The following RAB3IP variants were observed in gnomAD, a reference collection of about 807,000 sequenced individuals.
The protein encoded by RAB3IP is rab-3A-interacting protein.
RAB3IP carries 36 observed loss-of-function variants against 59.1 expected under a neutral mutation model. The observed-to-expected ratio is 0.61, with a 90% confidence interval of 0.47 to 0.80. RAB3IP has a LOEUF of 0.80. RAB3IP is among the 30% of genes least tolerant of loss of function. The pLI is 0.00. For synonymous variants in RAB3IP, 207 were observed against 191.2 expected (o/e 1.08, Z -0.68); for missense variants, 511 against 536.0 (o/e 0.95, Z 0.46).
chr12:69,809,306 G>A (rs1157671309), intron 8 of RAB3IP, among the ~76,000 whole-genome samples: 7 of 152,124 alleles, frequency 4.6e-5, no homozygotes, highest in Admixed American at 3.9e-4. Flanking sequence ...TGGGTAACCC[G>A]ACCTTTCTCT....
chr12:69,818,734 C>A lies in RAB3IP; in HGVS notation c.*3288C>A, dbSNP rs565308773. 6.6e-6 allele frequency: 1 copy of A among 152,264 alleles called. No homozygotes were observed. The highest frequency in any genetic ancestry group is 1.9e-4 in the East Asian group (1 of 5,182). 9.4% of individuals were successfully genotyped at this position (152,264 alleles called of 1,614,324 possible). On this transcript the variant is annotated 3_prime_UTR_variant, in exon 11 of 11. Transcript: ENST00000247833. ...CTTTTCTTATAAAAGTCAAGAACAA[C>A]TAAAACTGAACAGCTGTTTAGGCAT...
In RAB3IP at chr12:69,812,947, T is replaced by G. The variant is rs762453034; in HGVS notation, c.1231-17T>G. ...GGGACATTTGACCATTCATGACATT[T>G]TCTCCATTTGGCCTAGATCACTTCT... On this transcript the variant is annotated splice_polypyrimidine_tract_variant and intron_variant, in intron 9 of 10. Coordinates refer to ENST00000247833, the MANE Select transcript of RAB3IP (RefSeq NM_022456.5). The G allele has an allele frequency of 5.6e-6, 9 of 1,611,868 alleles. No homozygotes were observed. The highest frequency in any genetic ancestry group is 6.8e-6 in the Non-Finnish European group (8 of 1,177,944).
intron 2 of RAB3IP, 145 bp downstream of exon 2, chr12:69,755,804 A>C (rs1870124223): frequency 1.5e-6 from 1 of 687,030 alleles, no homozygotes; most frequent in Non-Finnish European, 2.4e-6. Flanking sequence ...ATAATGTTCT[A>C]GAACAGGGTT....
rs1275768408 is a variant in RAB3IP at position 69,794,595 on chromosome 12, G to C, written c.684+81G>C. 4 of 1,126,394 alleles carry C rather than the reference G, an allele frequency of 3.6e-6. No homozygotes were observed. The African/African-American group carries it at 6.3e-5, about 18-fold the overall frequency. The allele number at this position is 1,126,394 out of a possible 1,614,324, so 69.8% of individuals were successfully genotyped here. A position where few individuals can be genotyped will look rare whatever the true frequency, so the allele number is the denominator to read the frequency against. On this transcript the variant is annotated intron_variant, in intron 5 of 10. Transcript: ENST00000247833. ...GATACCTTAACATCTGTTGGATTTT[G>C]TTCTGATCGTAAAGTAGTGCTTGTT...
chr12:69,763,753 C>A (rs1176402937), intron 3 of RAB3IP, among the ~76,000 whole-genome samples: 1 of 151,976 alleles, frequency 6.6e-6, no homozygotes, highest in Non-Finnish European at 1.5e-5. Context: ...GTTTGTCAGC[C>A]CTTGTCCCCC....
At chr12:69,789,599 C>T (rs990509887) in intron 4 of RAB3IP, among the ~76,000 whole-genome samples, 3 of 152,192 alleles carry the variant, frequency 2.0e-5, no homozygotes, top group South Asian at 2.1e-4. Flanking sequence ...AGGCCAATAT[C>T]ACTCTGATAC....
chr12:69,759,690 G>T (rs1299125171), intron 3 of RAB3IP, among the ~76,000 whole-genome samples: 1 of 150,376 alleles, frequency 6.6e-6, no homozygotes, highest in Non-Finnish European at 1.5e-5. Flanking sequence ...GCGGCTGGCC[G>T]GGCAGGGGCT....
At chr12:69,781,782 A>G (rs1230569613) in intron 3 of RAB3IP, among the ~76,000 whole-genome samples, 1 of 152,230 alleles carries the variant, frequency 6.6e-6, no homozygotes, top group Middle Eastern at 3.2e-3. Context: ...AGTAAAGGCC[A>G]TCTGCTGCTT....
At chr12:69,753,605 T>G (rs1161262842) in intron 1 of RAB3IP, among the ~76,000 whole-genome samples, 1 of 152,160 alleles carries the variant, frequency 6.6e-6, no homozygotes, top group African/African-American at 2.4e-5. Context: ...CGCCTCGGCC[T>G]CCCAAAGTGC....
rs377383820 is a variant in RAB3IP at position 69,812,942 on chromosome 12, A to G, written c.1231-22A>G. 30 of 1,610,532 alleles carry G rather than the reference A, an allele frequency of 1.9e-5. No homozygotes were observed. The Admixed American group carries it at 4.5e-4, about 24-fold the overall frequency. On this transcript the variant is annotated intron_variant, in intron 9 of 10. Coordinates refer to ENST00000247833, the MANE Select transcript of RAB3IP (RefSeq NM_022456.5). ...GATATGGGACATTTGACCATTCATG[A>G]CATTTTCTCCATTTGGCCTAGATCA...
At chr12:69,739,838 C>T (rs184683213) in intron 1 of RAB3IP, 7 of 1,613,996 alleles carry the variant, frequency 4.3e-6, no homozygotes, top group Admixed American at 3.3e-5. Flanking sequence ...TGAAGAGTTG[C>T]CGGTTGTTAT....
chr12:69,778,255 TTCAGCTCCA>T (rs1254552334), intron 3 of RAB3IP, among the ~76,000 whole-genome samples: 8 of 8,060 alleles, frequency 9.9e-4, no homozygotes, highest in Non-Finnish European at 1.8e-3. Context: ...AGCCTTGGTT[TTCAGCTCCA>T]TCAGCTCCTT....
chr12:69,821,710 C>G lies in RAB3IP; in HGVS notation c.*6264C>G, dbSNP rs1881766498. ...TCAAGCTGCTCTTTTTTAAAATGTG[C>G]CGTTTCGACAACACTGAGCCCACAG... On this transcript the variant is annotated 3_prime_UTR_variant, in exon 11 of 11. Transcript: ENST00000247833. The G allele has an allele frequency of 2.0e-5, 3 of 152,170 alleles. No homozygotes were observed. Among genetic ancestry groups the G allele is most frequent in the Admixed American group, 2.0e-4 (3 of 15,276 alleles). The allele number at this position is 152,170 out of a possible 1,614,324, so 9.4% of individuals were successfully genotyped here.
In RAB3IP at chr12:69,816,090, G is replaced by GAT. The variant is rs1350527984; in HGVS notation, c.*648_*649dup. 5.3e-5 allele frequency: 8 copies of GAT among 152,232 alleles called. No individual in the cohort carries two copies. Among genetic ancestry groups the GAT allele is most frequent in the Admixed American group, 5.2e-4 (8 of 15,280 alleles). 9.4% of individuals were successfully genotyped at this position (152,232 alleles called of 1,614,324 possible). A position where few individuals can be genotyped will look rare whatever the true frequency, so the allele number is the denominator to read the frequency against. Reference sequence around the variant, plus strand: ...CCAGAGATGTATTCCTGAGTGTCTTGATATAGTGTATTCATGTTTTATATG... The same window carrying GAT: ...CCAGAGATGTATTCCTGAGTGTCTTGATATATAGTGTATTCATGTTTTATATG... On this transcript the variant is annotated 3_prime_UTR_variant, in exon 11 of 11. Transcript: ENST00000247833.
At chr12:69,811,758 C>T (rs1880493217) in intron 8 of RAB3IP, among the ~76,000 whole-genome samples, 1 of 151,898 alleles carries the variant, frequency 6.6e-6, no homozygotes, top group Admixed American at 6.6e-5. Flanking sequence ...ATTTGAATTG[C>T]CCCCTCCTCA....
chr12:69,787,631 C>T (rs1181022228), intron 4 of RAB3IP, among the ~76,000 whole-genome samples: 1 of 152,082 alleles, frequency 6.6e-6, no homozygotes, highest in African/African-American at 2.4e-5. Context: ...TTCTTCATTC[C>T]ACACTCAAGT....
intron 4 of RAB3IP, among the ~76,000 whole-genome samples, chr12:69,790,987 T>C (rs1313803449): frequency 2.6e-5 from 4 of 152,056 alleles, no homozygotes; most frequent in South Asian, 2.1e-4. Context: ...GGCACTGATA[T>C]AAAAACAGAC....
intron 3 of RAB3IP, among the ~76,000 whole-genome samples, chr12:69,768,153 C>T (rs989733757): frequency 2.0e-5 from 3 of 150,770 alleles, no homozygotes; most frequent in Non-Finnish European, 3.0e-5. Flanking sequence ...GATCTGCATC[C>T]AGTAAGGATG....
rs1870223539 is a variant in RAB3IP at position 69,756,412 on chromosome 12, G to A, written c.259G>A (p.Val87Ile). The change falls in exon 3 of 11, where the codon GTT becomes ATT. Residue 87 changes from valine (V) to isoleucine (I), a missense_variant. Coordinates refer to ENST00000247833, the MANE Select transcript of RAB3IP (RefSeq NM_022456.5). ...TGTCTCTCTCCTTTACAGCTTTCAT[G>A]TTACAGACCCAGCCCCTTGCTCTAC... Reference protein sequence around the residue: ...CAEISSISFHVTDPAPCSTSG... With the variant: ...CAEISSISFHITDPAPCSTSG... 1 of 1,613,416 alleles carries A rather than the reference G, an allele frequency of 6.2e-7. No individual in the cohort carries two copies. Among genetic ancestry groups the A allele is most frequent in the Non-Finnish European group, 8.5e-7 (1 of 1,179,776 alleles).
Sources: allele counts gnomAD v4.1 joint callset (sites outside exome capture counted in the v4.1 genomes callset), GRCh38; gene constraint gnomAD v4.1.1; transcripts MANE v1.5; gene names NCBI Gene and HGNC (gene_info 2026-07-23, HGNC 2026-07-21).